GUCA1C: variants seen among roughly 807,000 people sequenced by gnomAD.
GUCA1C encodes the protein guanylyl cyclase-activating protein 3.
GUCA1C carries 15 observed loss-of-function variants against 16.2 expected under a neutral mutation model. The ratio of observed to expected loss-of-function variants is 0.93; its 90% CI spans 0.62 to 1.43. The LOEUF is 1.43. Ranked by LOEUF, GUCA1C falls within the 40% of genes most tolerant of loss-of-function variation. The pLI is 0.00. For synonymous variants in GUCA1C, 78 were observed against 85.4 expected, an observed-to-expected ratio of 0.91 and a Z score of 0.48; for missense variants, 275 against 244.8, an observed-to-expected ratio of 1.12 and a Z score of -0.82.
At chr3:108,943,299 T>C (rs1460241367) in intron 1 of GUCA1C, among the ~76,000 whole-genome samples, 1 of 152,090 alleles carries the variant, frequency 6.6e-6, no homozygotes, top group Non-Finnish European at 1.5e-5. Context: ...ACACCACGTT[T>C]GGCAATTGTA....
intron 3 of GUCA1C, 39 bp from the exon 4 acceptor site, chr3:108,908,248 T>C (rs937441754): frequency 1.9e-5 from 25 of 1,322,470 alleles, no homozygotes; most frequent in Non-Finnish European, 2.5e-5. Context: ...GCTTTGTCTA[T>C]ACCACTCACT....
intron 3 of GUCA1C, 61 bp downstream of exon 3, chr3:108,916,066 C>T (rs1946506746): frequency 2.5e-6 from 4 of 1,601,688 alleles, no homozygotes; most frequent in South Asian, 1.1e-5. Flanking sequence ...AATAACACTC[C>T]CCACTACCAC....
At chr3:108,909,281 G>T (rs547643758) in intron 3 of GUCA1C, among the ~76,000 whole-genome samples, 4 of 152,282 alleles carry the variant, frequency 2.6e-5, no homozygotes, top group Non-Finnish European at 4.4e-5. Flanking sequence ...CCAAAGAAAG[G>T]TCTGTGAAAA....
At chr3:108,943,154 T>G (rs2107312995) in intron 1 of GUCA1C, among the ~76,000 whole-genome samples, 1 of 152,166 alleles carries the variant, frequency 6.6e-6, no homozygotes, top group South Asian at 2.1e-4. Context: ...TCCACTCTAC[T>G]CCTAAACTAC....
intron 2 of GUCA1C, among the ~76,000 whole-genome samples, chr3:108,917,245 A>G (rs1946527214): frequency 6.6e-6 from 1 of 152,244 alleles, no homozygotes; most frequent in Non-Finnish European, 1.5e-5. Context: ...GTGGCCAAGT[A>G]TCCAGTATCC....
chr3:108,908,092 T>A lies in GUCA1C; in HGVS notation c.560A>T (p.Gln187Leu), dbSNP rs1377005911. 1.2e-6 allele frequency: 2 copies of A among 1,613,934 alleles called. No homozygotes were observed. The highest frequency in any genetic ancestry group is 1.7e-6 in the Non-Finnish European group (2 of 1,179,810). ...NVLRVICNGK[Q>L]PDMETDSSKS... ...GGAGGAGTCTGTCTCCATGTCTGGC[T>A]GCTTCCCATTACAGATTACTCTCAG... Residue 187 changes from glutamine (Q) to leucine (L), a missense_variant, in exon 4 of 4, where the codon CAG becomes CTG. By Grantham distance (113) the Gln-to-Leu change is moderately radical. Transcript: ENST00000261047.
chr3:108,913,563 C>G (rs9837651), intron 3 of GUCA1C, among the ~76,000 whole-genome samples: 31,477 of 151,938 alleles, frequency 0.21, 3,659 homozygotes, highest in East Asian at 0.4. Context: ...TGTCTCTGTT[C>G]ACCAGCACAT....
At chr3:108,917,937 C>G (rs1411600679) in intron 2 of GUCA1C, among the ~76,000 whole-genome samples, 1 of 152,066 alleles carries the variant, frequency 6.6e-6, no homozygotes, top group Non-Finnish European at 1.5e-5. Flanking sequence ...CCTAGCTACT[C>G]AGGAGGCTGA....
intron 1 of GUCA1C, among the ~76,000 whole-genome samples, chr3:108,944,535 A>G (rs1336668731): frequency 6.6e-6 from 1 of 152,180 alleles, no homozygotes; most frequent in Non-Finnish European, 1.5e-5. Context: ...TGCTGTTTGT[A>G]AGTGACTGCA....
At chr3:108,949,929 A>G (rs1283570168) in intron 1 of GUCA1C, among the ~76,000 whole-genome samples, 1 of 152,180 alleles carries the variant, frequency 6.6e-6, no homozygotes, top group Admixed American at 6.6e-5. Context: ...GAAATTTTCA[A>G]GTATGAAATA....
intron 1 of GUCA1C, among the ~76,000 whole-genome samples, chr3:108,950,820 C>T (rs1946889486): frequency 6.6e-6 from 1 of 152,040 alleles, no homozygotes; most frequent in African/African-American, 2.4e-5. Context: ...GACAGAACAA[C>T]AAGAAAAAGC....
chr3:108,932,693 G>C (rs918940320), intron 1 of GUCA1C, among the ~76,000 whole-genome samples: 3 of 152,016 alleles, frequency 2.0e-5, no homozygotes, highest in Non-Finnish European at 4.4e-5. Flanking sequence ...AGGCTGAGGC[G>C]GGTGGATCAC....
At chr3:108,922,202 C>CAT (rs56925898) in intron 1 of GUCA1C, among the ~76,000 whole-genome samples, 10 of 44,374 alleles carry the variant, frequency 2.3e-4, no homozygotes, top group Middle Eastern at 0.018. Flanking sequence ...CACACACACA[C>CAT]ATATATATAT....
chr3:108,954,623 T>C (rs1391099860), upstream of GUCA1C, among the ~76,000 whole-genome samples: 1 of 152,160 alleles, frequency 6.6e-6, no homozygotes, highest in African/African-American at 2.4e-5. Flanking sequence ...CAAGGTCCAG[T>C]AGTGGAAATG....
rs1306699006 is a variant in GUCA1C, at chr3:108,915,970, G to A, written c.442+157C>T. 7.0e-6 allele frequency: 5 copies of A among 718,178 alleles called. No homozygotes were observed. The African/African-American group carries it at 8.9e-5, about 13-fold the overall frequency. The allele number at this position is 718,178 out of a possible 1,614,324, so 44.5% of individuals were successfully genotyped here. A position where few individuals can be genotyped will look rare whatever the true frequency, so the allele number is the denominator to read the frequency against. ...ATGATCAATAAATATTTACTCAATT[G>A]AATCATACTGAGAACATTGGATTGG... On this transcript the variant is annotated intron_variant, in intron 3 of 3. Coordinates refer to ENST00000261047, the MANE Select transcript of GUCA1C (RefSeq NM_005459.4).
intron 1 of GUCA1C, among the ~76,000 whole-genome samples, chr3:108,951,960 A>C (rs1946900018): frequency 6.6e-6 from 1 of 152,192 alleles, no homozygotes; most frequent in South Asian, 2.1e-4. Flanking sequence ...CATGTGAACC[A>C]CTGACATGTA....
In GUCA1C at chr3:108,907,928, G is replaced by T; in HGVS notation, c.*94C>A. On this transcript the variant is annotated 3_prime_UTR_variant, in exon 4 of 4. Transcript: ENST00000261047. ...ACAAGCCTATATGAATTATAACAAA[G>T]ACCTGAAATCAACAGCATGTACATG... is the stretch of plus-strand genomic sequence containing the variant. 2 of 852,676 alleles carry T rather than the reference G, an allele frequency of 2.3e-6. No homozygotes were observed. Among genetic ancestry groups the T allele is most frequent in the South Asian group, 1.8e-5 (1 of 55,966 alleles). The allele number at this position is 852,676 out of a possible 1,614,324, so 52.8% of individuals were successfully genotyped here.
rs1289935484 is a variant in GUCA1C at position 108,947,008 on chromosome 3, AAGAGT to A, written c.204+6546_204+6550del. ...ATAATGTGTATTTCAAAATCACTAA[AAGAGT>A]AGATTTTAAATGTTCTCACCACAAA... On this transcript the variant is annotated intron_variant, in intron 1 of 3. Transcript: ENST00000261047. 4.6e-5 allele frequency among the ~76,000 whole-genome samples: 7 copies of A among 152,278 alleles called. No individual in the cohort carries two copies. The South Asian group carries it at 8.3e-4, about 18-fold the overall frequency.
At chr3:108,920,735 TAA>T in intron 1 of GUCA1C, 150 bp from the exon 2 acceptor site, 1 of 562,278 alleles carries the variant, frequency 1.8e-6, no homozygotes, top group Non-Finnish European at 3.1e-6. Context: ...GTGTTTCATT[TAA>T]AAAAAAGTTT....
Sources: allele counts gnomAD v4.1 joint callset (sites outside exome capture counted in the v4.1 genomes callset), GRCh38; gene constraint gnomAD v4.1.1; transcripts MANE v1.5; gene names NCBI Gene and HGNC (gene_info 2026-07-23, HGNC 2026-07-21).